WRN: variants seen among roughly 807,000 people sequenced by gnomAD.
WRN encodes WRN RecQ like helicase, also known as bifunctional 3'-5' exonuclease/ATP-dependent helicase WRN.
WRN carries 149 observed loss-of-function variants against 180.7 expected under a neutral mutation model. That is an observed-to-expected ratio of 0.82 (90% CI 0.72 to 0.94). The LOEUF is 0.94. WRN is among the 40% of genes least tolerant of loss of function. The pLI, the probability that WRN is intolerant of heterozygous loss-of-function variation, is 0.00. For synonymous variants in WRN, 548 were observed against 568.9 expected, an observed-to-expected ratio of 0.96 and a Z score of 0.52; for missense variants, 1,661 against 1,700.1, an observed-to-expected ratio of 0.98 and a Z score of 0.40.
At chr8:31,092,429 C>G (rs1208305232) in intron 16 of WRN, among the ~76,000 whole-genome samples, 1 of 134,982 alleles carries the variant, frequency 7.4e-6, no homozygotes, top group African/African-American at 2.5e-5. Flanking sequence ...TACACATACA[C>G]ACACCCATTT....
intron 8 of WRN, among the ~76,000 whole-genome samples, chr8:31,077,641 A>G (rs1813147562): frequency 6.6e-6 from 1 of 152,204 alleles, no homozygotes; most frequent in Admixed American, 6.5e-5. Flanking sequence ...CACCTTTTAC[A>G]TGACTTTTAC....
rs772384516 is a variant in WRN at position 31,115,116 on chromosome 8, G to A, written c.2274-1238G>A. On this transcript the variant is annotated intron_variant, in intron 19 of 34. Transcript: ENST00000298139. ...TCACCTTGTTGGCCAGGCTGGTCTCGAACTTCTGAGCTCAGGTAATCCGCC... is the reference window on the plus strand; with the variant it reads ...TCACCTTGTTGGCCAGGCTGGTCTCAAACTTCTGAGCTCAGGTAATCCGCC... Among the ~76,000 whole-genome samples, 117 of 152,132 alleles carry A rather than the reference G, an allele frequency of 7.7e-4. 1 individual carries two copies. The highest frequency in any genetic ancestry group is 2.6e-4 in the Admixed American group (4 of 15,280).
intron 3 of WRN, among the ~76,000 whole-genome samples, chr8:31,063,034 A>G (rs1167071709): frequency 6.6e-6 from 1 of 151,850 alleles, no homozygotes; most frequent in East Asian, 1.9e-4. Context: ...GGGTCTCACT[A>G]TGTTGCCCAG....
intron 14 of WRN, 76 bp downstream of exon 14, chr8:31,090,608 T>A: frequency 7.0e-7 from 1 of 1,427,656 alleles, no homozygotes; most frequent in East Asian, 2.3e-5. Flanking sequence ...AATCTTTCAT[T>A]AAACTCTCAA....
At chr8:31,116,185 A>G (rs1484290391) in intron 19 of WRN, among the ~76,000 whole-genome samples, 169 bp from the exon 20 acceptor site, 2 of 152,160 alleles carry the variant, frequency 1.3e-5, no homozygotes, top group African/African-American at 4.8e-5. Context: ...ATTCTCCATA[A>G]TGTTTTAAAT....
rs780157148 is a variant in WRN at position 31,064,401 on chromosome 8, A to C, written c.322A>C (p.Lys108Gln). 1.9e-5 allele frequency: 30 copies of C among 1,614,044 alleles called. No individual in the cohort carries two copies. Among genetic ancestry groups the C allele is most frequent in the South Asian group, 1.6e-4 (15 of 91,090 alleles). ...AATTCAGTTGTGTGTTTCTGAGAGC[A>C]AATGTTACTTGTTCCACGTTTCTTC... ...ALIQLCVSESKCYLFHVSSMS... is the reference protein window; with the variant it reads ...ALIQLCVSESQCYLFHVSSMS... The change falls in exon 4 of 35, where the codon AAA becomes CAA. Residue 108 changes from lysine (K) to glutamine (Q), a missense_variant. Around this residue, in one of 3 missense-constraint regions of WRN, gnomAD observed 500 missense variants for 504.1 expected, o/e 0.99. Transcript: ENST00000298139.
rs746648510 is a variant in WRN at position 31,154,741 on chromosome 8, A to G, written c.3805A>G (p.Lys1269Glu). ...MAITYSLFQEKKMPLKSIAES... is the reference protein window; with the variant it reads ...MAITYSLFQEEKMPLKSIAES... ...CATCACATACTCTTTATTCCAAGAA[A>G]AGAAGATGCCTTTGGTAAGTGTGAC... Residue 1269 changes from lysine (K) to glutamate (E), a missense_variant, in exon 32 of 35, where the codon AAG becomes GAG. By Grantham distance (56) the Lys-to-Glu change is moderately conservative. Transcript: ENST00000298139. The G allele has an allele frequency of 3.1e-6, 5 of 1,613,514 alleles. No homozygotes were observed. In the African/African-American group the frequency reaches 5.3e-5, roughly 17 times the overall value.
At position 31,174,835 on chromosome 8, in the gene WRN, C is replaced by CCCTG. The variant is rs1176572182; in HGVS notation, c.*1736_*1737insGCCT. The stretch of plus-strand genomic sequence containing the variant: ...TTCCTTCCTTCCTCCCTCCCTCCCT[C>CCCTG]CCTCCCTCCCTCCCTCCTTTCTTTT... On this transcript the variant is annotated 3_prime_UTR_variant, in exon 35 of 35. Transcript: ENST00000298139. Among the ~76,000 whole-genome samples, 24 of 61,320 alleles carry CCCTG rather than the reference C, an allele frequency of 3.9e-4. No homozygotes were observed. Among genetic ancestry groups the CCCTG allele is most frequent in the African/African-American group, 1.0e-3 (23 of 22,124 alleles). 40.2% of individuals were successfully genotyped at this position (61,320 alleles called of 152,430 possible).
chr8:31,121,687 C>G (rs990251905), intron 21 of WRN, among the ~76,000 whole-genome samples: 19 of 150,950 alleles, frequency 1.3e-4, no homozygotes, highest in Middle Eastern at 3.4e-3. Context: ...ATAAGGCTTC[C>G]TTGTGGAAGT....
chr8:31,094,303 A>T (rs1397680360), intron 16 of WRN, among the ~76,000 whole-genome samples: 1 of 151,354 alleles, frequency 6.6e-6, no homozygotes, highest in Non-Finnish European at 1.5e-5. Context: ...AAGAAATTCC[A>T]TACCCATTAA....
At chr8:31,143,918 C>G (rs2130428166) in intron 28 of WRN, among the ~76,000 whole-genome samples, 1 of 152,192 alleles carries the variant, frequency 6.6e-6, no homozygotes. Flanking sequence ...TATTTATCGC[C>G]ATTTTATAGT....
chr8:31,101,924 G>C (rs1185197006), intron 18 of WRN, among the ~76,000 whole-genome samples: 1 of 147,582 alleles, frequency 6.8e-6, no homozygotes, highest in East Asian at 2.0e-4. Context: ...AGATTCACAA[G>C]AAGTTGTAAA....
At position 31,065,798 on chromosome 8, in the gene WRN, G is replaced by A. The variant is rs930926993; in HGVS notation, c.504+735G>A. Among the ~76,000 whole-genome samples, 11 of 151,708 alleles carry A rather than the reference G, an allele frequency of 7.3e-5. 1 individual carries two copies. The highest frequency in any genetic ancestry group is 2.7e-4 in the African/African-American group (11 of 41,344). ...GGGCAAATGGTATTTCTTTCTTTAG[G>A]TCTTTGAGGAATTGCTACACAGTTT... On this transcript the variant is annotated intron_variant, in intron 5 of 34. Coordinates refer to ENST00000298139, the MANE Select transcript of WRN (RefSeq NM_000553.6).
chr8:31,120,158 C>A, intron 20 of WRN, 85 bp from the exon 21 acceptor site: 1 of 1,542,534 alleles, frequency 6.5e-7, no homozygotes, highest in Non-Finnish European at 8.9e-7. Context: ...AGTTAACGAA[C>A]AAATTATTCT....
intron 31 of WRN, among the ~76,000 whole-genome samples, chr8:31,152,779 C>T (rs1027076591): frequency 1.3e-5 from 2 of 152,190 alleles, no homozygotes; most frequent in African/African-American, 4.8e-5. Flanking sequence ...TCCCTCATGC[C>T]TGTAATCCCA....
intron 30 of WRN, 110 bp downstream of exon 30, chr8:31,147,586 G>A: frequency 9.7e-7 from 1 of 1,026,544 alleles, no homozygotes; most frequent in Non-Finnish European, 1.5e-6. Flanking sequence ...CATCTGGGAG[G>A]TGACTCAGAT....
At chr8:31,054,941 G>A (rs536153958) in intron 1 of WRN, among the ~76,000 whole-genome samples, 22 of 152,100 alleles carry the variant, frequency 1.4e-4, no homozygotes, top group Admixed American at 3.9e-4. Flanking sequence ...CTCATCGTTC[G>A]GCTCCCACTT....
intron 8 of WRN, among the ~76,000 whole-genome samples, chr8:31,080,282 T>C (rs2130114543): frequency 6.6e-6 from 1 of 152,312 alleles, no homozygotes; most frequent in South Asian, 2.1e-4. Context: ...TTTGGAGTTC[T>C]GCATAGTGTT....
chr8:31,138,542 A>T (rs1223056992), intron 24 of WRN, among the ~76,000 whole-genome samples: 1 of 152,186 alleles, frequency 6.6e-6, no homozygotes, highest in African/African-American at 2.4e-5. Flanking sequence ...TTCGATCTCT[A>T]GACTTGTTTA....
Sources: allele counts gnomAD v4.1 joint callset (sites outside exome capture counted in the v4.1 genomes callset), GRCh38; gene constraint gnomAD v4.1.1; regional missense constraint gnomAD v4.1.1; transcripts MANE v1.5; gene names NCBI Gene and HGNC (gene_info 2026-07-23, HGNC 2026-07-21).